Variants in GRAMD4 observed in about 807,000 individuals in gnomAD.
GRAMD4 encodes GRAM domain-containing protein 4.
A neutral mutation model predicts 83.9 loss-of-function variants in GRAMD4; 25 were observed. That is an observed-to-expected ratio of 0.30 (90% confidence interval 0.22 to 0.42). The LOEUF is 0.42. Among genes scored for constraint, GRAMD4 ranks in the 10% least tolerant of loss-of-function variants. GRAMD4 has a pLI of 1.00. For synonymous variants in GRAMD4, 336 were observed against 320.9 expected (o/e 1.05, Z -0.50); for missense variants, 593 against 788.7 (o/e 0.75, Z 2.97).
chr22:46,675,240 G>A (rs1382721313), intron 16 of GRAMD4, among the ~76,000 whole-genome samples: 3 of 151,880 alleles, frequency 2.0e-5, no homozygotes, highest in African/African-American at 7.3e-5. Flanking sequence ...AGCAGTGGCC[G>A]TGAGTGTCTC....
chr22:46,604,407 A>G (rs562581990), intron 1 of GRAMD4, among the ~76,000 whole-genome samples: 180 of 152,230 alleles, frequency 1.2e-3, no homozygotes, highest in African/African-American at 4.0e-3. Context: ...GACATAACAC[A>G]ATGTACCGTC....
rs146643360 is a variant in GRAMD4 at position 46,626,360 on chromosome 22, T to A, written c.-49-391T>A. Among the ~76,000 whole-genome samples the A allele has an allele frequency of 1.5e-3, 224 of 152,338 alleles. 1 individual carries two copies. The highest frequency in any genetic ancestry group is 5.3e-3 in the African/African-American group (220 of 41,572). ...CAATGCCAGAGCAGCATTCTTCCCTTGCGCCTGCGCGCCGCCTCGCCGAGC... is the reference window on the plus strand; with the variant it reads ...CAATGCCAGAGCAGCATTCTTCCCTAGCGCCTGCGCGCCGCCTCGCCGAGC... On this transcript the variant is annotated intron_variant, in intron 1 of 18. Transcript: ENST00000406902.
upstream of GRAMD4, among the ~76,000 whole-genome samples, chr22:46,616,416 A>G (rs1255360753): frequency 2.6e-4 from 21 of 82,080 alleles, no homozygotes; most frequent in South Asian, 5.1e-4. Context: ...CTGTGCGTGT[A>G]GGTTCCCCCG....
intron 1 of GRAMD4, among the ~76,000 whole-genome samples, chr22:46,607,197 C>T (rs906190641): frequency 1.3e-4 from 5 of 38,172 alleles, no homozygotes; most frequent in Non-Finnish European, 2.5e-4. Context: ...TCCCTCGTGT[C>T]TTTAAAAAGG....
At chr22:46,635,152 C>CG (rs756546053) in intron 2 of GRAMD4, among the ~76,000 whole-genome samples, 13,552 of 138,704 alleles carry the variant, frequency 0.098, 222 homozygotes, top group East Asian at 0.13. Flanking sequence ...TCCCTGCCTC[C>CG]ACCCCTGGCC....
At chr22:46,606,881 C>A (rs1569256497) in intron 1 of GRAMD4, among the ~76,000 whole-genome samples, 1 of 152,268 alleles carries the variant, frequency 6.6e-6, no homozygotes, top group Non-Finnish European at 1.5e-5. Flanking sequence ...TTGGATTATA[C>A]CCAGAAATGG....
intron 1 of GRAMD4, among the ~76,000 whole-genome samples, chr22:46,598,576 G>T (rs930705080): frequency 1.3e-5 from 2 of 151,738 alleles, no homozygotes; most frequent in African/African-American, 4.8e-5. Context: ...GCTGACTGCC[G>T]GCTCCTGGCT....
At chr22:46,630,424 C>T (rs978498248) in intron 2 of GRAMD4, among the ~76,000 whole-genome samples, 7 of 152,212 alleles carry the variant, frequency 4.6e-5, no homozygotes, top group African/African-American at 1.7e-4. Context: ...TGTTTGTGTG[C>T]ATGTGCTTCC....
intron 3 of GRAMD4, among the ~76,000 whole-genome samples, chr22:46,648,247 C>T (rs1468462972): frequency 4.9e-5 from 7 of 142,880 alleles, no homozygotes; most frequent in South Asian, 2.3e-4. Flanking sequence ...AGTAGGCAAA[C>T]GAATAGGTAG....
At chr22:46,643,634 T>A (rs2082023205) in intron 3 of GRAMD4, among the ~76,000 whole-genome samples, 1 of 152,242 alleles carries the variant, frequency 6.6e-6, no homozygotes, top group South Asian at 2.1e-4. Context: ...TTCGTCTCCT[T>A]TCACCTGGAG....
intron 1 of GRAMD4, among the ~76,000 whole-genome samples, chr22:46,587,255 GA>G (rs1436577655): frequency 2.0e-5 from 3 of 152,184 alleles, no homozygotes; most frequent in African/African-American, 7.2e-5. Context: ...CTCCGGAGTA[GA>G]AGGTGACATT....
intron 3 of GRAMD4, among the ~76,000 whole-genome samples, chr22:46,648,951 G>GATGGATGGAGGGATGGATGC (rs1569288717): frequency 1.2e-5 from 1 of 86,810 alleles, no homozygotes; most frequent in East Asian, 5.4e-4. Context: ...TGGATGGATG[G>GATGGATGGAGGGATGGATGC]ATGGATGGAT....
At position 46,593,077 on chromosome 22, in the gene GRAMD4, G is replaced by A. The variant is rs565174972; in HGVS notation, c.-50+15787G>A. On this transcript the variant is annotated intron_variant, in intron 1 of 1. Transcript: ENST00000431155. The stretch of plus-strand genomic sequence containing the variant: ...AAAAGGAATTGGTTTTATCCACACC[G>A]TTCTCAAATACTTGAGAGTAACGTG... Among the ~76,000 whole-genome samples the A allele has an allele frequency of 3.1e-4, 47 of 152,224 alleles. 2 individuals are homozygous for A. The South Asian group carries it at 6.2e-3, about 20-fold the overall frequency.
chr22:46,647,664 G>A (rs1003805263), intron 3 of GRAMD4, among the ~76,000 whole-genome samples: 2 of 152,270 alleles, frequency 1.3e-5, no homozygotes, highest in Non-Finnish European at 2.9e-5. Flanking sequence ...CATGGGAAGT[G>A]TTAAGTCGGG....
intron 2 of GRAMD4, among the ~76,000 whole-genome samples, chr22:46,628,786 C>T (rs910831414): frequency 2.0e-5 from 3 of 152,064 alleles, no homozygotes; most frequent in Non-Finnish European, 1.5e-5. Context: ...ATCAGGGATC[C>T]CCTTCGGGGG....
chr22:46,677,313 T>C lies in GRAMD4; in HGVS notation c.*62T>C. 6.5e-7 allele frequency: 1 copy of C among 1,532,884 alleles called. No individual in the cohort carries two copies. The highest frequency in any genetic ancestry group is 8.7e-7 in the Non-Finnish European group (1 of 1,147,070). 95.0% of individuals were successfully genotyped at this position (1,532,884 alleles called of 1,614,324 possible). A position where few individuals can be genotyped will look rare whatever the true frequency, so the allele number is the denominator to read the frequency against. On this transcript the variant is annotated 3_prime_UTR_variant, in exon 19 of 19. Transcript: ENST00000406902. ...TTCTTTTTCTTTTTCTTTTTTTTTT[T>C]TTACGATTTGGTAGTGGAAACAATT... is the stretch of plus-strand genomic sequence containing the variant.
At chr22:46,578,637 G>A (rs1602280453) in intron 1 of GRAMD4, among the ~76,000 whole-genome samples, 1 of 152,278 alleles carries the variant, frequency 6.6e-6, no homozygotes, top group East Asian at 1.9e-4. Flanking sequence ...GGGATGCACA[G>A]TCTGGCCAGG....
chr22:46,633,699 C>G (rs765632777), intron 2 of GRAMD4, among the ~76,000 whole-genome samples: 52 of 152,242 alleles, frequency 3.4e-4, no homozygotes, highest in Admixed American at 1.3e-3. Flanking sequence ...GGGGTCCTCT[C>G]TCTCCAGCAT....
chr22:46,608,235 T>G (rs1242680614), intron 1 of GRAMD4, among the ~76,000 whole-genome samples: 2 of 152,208 alleles, frequency 1.3e-5, no homozygotes, highest in Non-Finnish European at 2.9e-5. Context: ...AACATGTGCT[T>G]CTCTCATCTT....
Sources: gnomAD v4.1 joint callset for allele counts (sites outside exome capture counted in the v4.1 genomes callset) on GRCh38, gnomAD v4.1.1 for gene constraint, MANE v1.5 for transcripts, NCBI Gene and HGNC (gene_info 2026-07-23, HGNC 2026-07-21) for gene names.